The following DRC11 variants were observed in gnomAD, a reference collection of about 807,000 sequenced individuals.
DRC11 encodes dynein regulatory complex subunit 11.
chr2:236,416,761 AT>A, the DRC11 span, among the ~76,000 whole-genome samples: 40 of 92,338 alleles, frequency 4.3e-4, no homozygotes, highest in Middle Eastern at 5.3e-3. Flanking sequence ...ATATATATAT[AT>A]ATATATAAAT....
At chr2:236,477,405 TCATAAAAGTTTTC>T in the DRC11 span, among the ~76,000 whole-genome samples, 1 of 152,168 alleles carries the variant, frequency 6.6e-6, no homozygotes, top group Non-Finnish European at 1.5e-5. Context: ...AAGTGCATCA[TCATAAAAGTTTTC>T]ATCCTCACTG....
At chr2:236,388,947 G>T in the DRC11 span, among the ~76,000 whole-genome samples, 1 of 152,160 alleles carries the variant, frequency 6.6e-6, no homozygotes, top group Non-Finnish European at 1.5e-5. Context: ...TGCCCCTGCT[G>T]GGGGGTGCCT....
chr2:236,459,601 A>ATGTATACGTATATACGTATATACGTACG, the DRC11 span, among the ~76,000 whole-genome samples: 470 of 121,150 alleles, frequency 3.9e-3, 15 homozygotes, highest in Middle Eastern at 0.024. Flanking sequence ...ATACGTATAC[A>ATGTATACGTATATACGTATATACGTACG]TATATACGTA....
chr2:236,485,228 CATAT>C, the DRC11 span, among the ~76,000 whole-genome samples: 1 of 151,670 alleles, frequency 6.6e-6, no homozygotes, highest in Non-Finnish European at 1.5e-5. Flanking sequence ...TATATGACTA[CATAT>C]ATATATGTCA....
the DRC11 span, among the ~76,000 whole-genome samples, chr2:236,498,238 C>T: frequency 6.6e-6 from 1 of 151,014 alleles, no homozygotes; most frequent in Non-Finnish European, 1.5e-5. Context: ...GAGGTCGAGG[C>T]AGGTGGATCA....
At chr2:236,454,473 C>T in the DRC11 span, among the ~76,000 whole-genome samples, 1 of 152,218 alleles carries the variant, frequency 6.6e-6, no homozygotes, top group Non-Finnish European at 1.5e-5. The surrounding 1 kb of genome is among the most constrained non-coding windows in gnomAD (Gnocchi z 5.3). Flanking sequence ...GTAACCTACA[C>T]ATGGTTCACA....
chr2:236,425,239 G>C, the DRC11 span, among the ~76,000 whole-genome samples: 1 of 151,960 alleles, frequency 6.6e-6, no homozygotes, highest in Non-Finnish European at 1.5e-5. Context: ...CTTCCACACT[G>C]TTTTCCATAA....
chr2:236,488,317 G>T, the DRC11 span: 1 of 595,516 alleles, frequency 1.7e-6, no homozygotes, highest in Non-Finnish European at 2.8e-6. Flanking sequence ...TCATGAGTGT[G>T]AGAACCGCTG....
At chr2:236,358,075 T>C in the DRC11 span, among the ~76,000 whole-genome samples, 1 of 119,994 alleles carries the variant, frequency 8.3e-6, no homozygotes, top group Non-Finnish European at 1.6e-5. Flanking sequence ...AATATATATT[T>C]ATAATATATA....
the DRC11 span, among the ~76,000 whole-genome samples, chr2:236,310,908 C>T: frequency 2.0e-5 from 3 of 152,188 alleles, no homozygotes; most frequent in South Asian, 2.1e-4. This position sits in a 1 kb window ranked among gnomAD's most constrained non-coding sequence, Gnocchi z 5.5. Context: ...CCCCATTCAC[C>T]GATCTGTCAG....
chr2:236,318,132 G>A, the DRC11 span, among the ~76,000 whole-genome samples: 9 of 69,872 alleles, frequency 1.3e-4, no homozygotes, highest in African/African-American at 3.2e-4. The surrounding 1 kb of genome is among the most constrained non-coding windows in gnomAD (Gnocchi z 7.0). Context: ...CACCCCGCCC[G>A]CCCTCCTTGG....
the DRC11 span, chr2:236,324,778 C>T: frequency 1.3e-6 from 2 of 1,598,690 alleles, no homozygotes; most frequent in Admixed American, 1.7e-5. This position sits in a 1 kb window ranked among gnomAD's most constrained non-coding sequence, Gnocchi z 5.7. Context: ...TTTTGGCATA[C>T]CAGTTCTGAA....
the DRC11 span, among the ~76,000 whole-genome samples, chr2:236,433,471 G>A: frequency 6.6e-6 from 1 of 152,134 alleles, no homozygotes; most frequent in Non-Finnish European, 1.5e-5. Flanking sequence ...TTATCATTAA[G>A]CTTATTCCTG....
the DRC11 span, among the ~76,000 whole-genome samples, chr2:236,401,747 G>C: frequency 6.6e-6 from 1 of 151,920 alleles, no homozygotes; most frequent in Non-Finnish European, 1.5e-5. The surrounding 1 kb of genome is among the most constrained non-coding windows in gnomAD (Gnocchi z 4.6). Flanking sequence ...GTGGTGCCAG[G>C]GGGTTGGTGC....
chr2:236,487,452 T>C, the DRC11 span, among the ~76,000 whole-genome samples: 1 of 152,174 alleles, frequency 6.6e-6, no homozygotes, highest in Non-Finnish European at 1.5e-5. Flanking sequence ...CTAATGCTAG[T>C]TTATATCACC....
At chr2:236,473,213 G>T in the DRC11 span, among the ~76,000 whole-genome samples, 1 of 152,090 alleles carries the variant, frequency 6.6e-6, no homozygotes, top group African/African-American at 2.4e-5. The surrounding 1 kb of genome is among the most constrained non-coding windows in gnomAD (Gnocchi z 4.8). Flanking sequence ...ATTTCATTTA[G>T]ATTCTTTGCT....
the DRC11 span, chr2:236,399,478 T>C: frequency 6.2e-7 from 1 of 1,613,960 alleles, no homozygotes; most frequent in Middle Eastern, 1.6e-4. The surrounding 1 kb of genome is among the most constrained non-coding windows in gnomAD (Gnocchi z 7.0). Context: ...TTTCCATTTT[T>C]CGTCTTCTTC....
the DRC11 span, among the ~76,000 whole-genome samples, chr2:236,505,074 C>A: frequency 7.2e-5 from 11 of 152,172 alleles, no homozygotes; most frequent in African/African-American, 2.4e-4. Flanking sequence ...AATATTTTAT[C>A]CATGAGACTA....
the DRC11 span, among the ~76,000 whole-genome samples, chr2:236,347,508 C>CTCTCTCTCTATATATATATATATATATA: frequency 9.3e-6 from 1 of 107,542 alleles, no homozygotes; most frequent in South Asian, 2.9e-4. Context: ...AAAAACTGTG[C>CTCTCTCTCTATATATATATATATATATA]TATATATATA....
Sources: allele counts gnomAD v4.1 joint callset (sites outside exome capture counted in the v4.1 genomes callset), GRCh38; gene constraint gnomAD v4.1.1; non-coding constraint Gnocchi (gnomAD v3.1); transcripts MANE v1.5; gene names NCBI Gene and HGNC (gene_info 2026-07-23, HGNC 2026-07-21).